The following FAM149B1 variants were observed in gnomAD, a reference collection of about 807,000 sequenced individuals.
The protein encoded by FAM149B1 is primary cilium assembly protein FAM149B1.
Under a neutral mutation model 75.3 loss-of-function variants are expected in FAM149B1, and 56 were observed. The observed-to-expected ratio is 0.74, with a 90% confidence interval of 0.60 to 0.93. FAM149B1 has a LOEUF of 0.93. Among genes scored for constraint, FAM149B1 ranks in the 40% least tolerant of loss-of-function variants. The probability of loss-of-function intolerance (pLI) is 0.00; values close to 1 mark genes in which losing one functional copy is unlikely to be tolerated. For missense variants in FAM149B1, 639 were observed against 708.4 expected (o/e 0.90, Z 1.11); for synonymous variants, 259 against 256.1 (o/e 1.01, Z -0.11).
chr10:73,192,140 T>A lies in FAM149B1; in HGVS notation c.283-416T>A, dbSNP rs978692950. The A allele has an allele frequency of 2.5e-5, 4 of 161,178 alleles. No individual in the cohort carries two copies. The Admixed American group carries it at 2.6e-4, about 11-fold the overall frequency. 10.0% of individuals were successfully genotyped at this position (161,178 alleles called of 1,614,324 possible). ...GTCTTGAACTCCTGGCCTCAAGTGA[T>A]CCACCCACCTTGGTCTCCCAAAGTG... On this transcript the variant is annotated intron_variant, in intron 3 of 13. Transcript: ENST00000242505.
At chr10:73,208,952 C>T (rs768589083) in intron 6 of FAM149B1, among the ~76,000 whole-genome samples, 166 bp downstream of exon 6, 1 of 152,128 alleles carries the variant, frequency 6.6e-6, no homozygotes, top group Non-Finnish European at 1.5e-5. Context: ...TTATTGCCTC[C>T]ATGTACTAGA....
intron 2 of FAM149B1, 93 bp from the exon 3 acceptor site, chr10:73,177,752 AC>A: frequency 9.4e-7 from 1 of 1,058,254 alleles, no homozygotes; most frequent in Non-Finnish European, 1.4e-6. Flanking sequence ...CATGTTAATC[AC>A]CTAGTAAGTT....
chr10:73,241,056 C>G lies in FAM149B1; in HGVS notation c.*37C>G, dbSNP rs571629113. The G allele has an allele frequency of 8.5e-7, 1 of 1,180,236 alleles. No homozygotes were observed. Among genetic ancestry groups the G allele is most frequent in the Non-Finnish European group, 1.2e-6 (1 of 813,082 alleles). 73.1% of individuals were successfully genotyped at this position (1,180,236 alleles called of 1,614,324 possible). A position where few individuals can be genotyped will look rare whatever the true frequency, so the allele number is the denominator to read the frequency against. On this transcript the variant is annotated 3_prime_UTR_variant, in exon 14 of 14. Coordinates refer to ENST00000242505, the MANE Select transcript of FAM149B1 (RefSeq NM_173348.2). ...AGAATCTATCAGGCTGCAGGAAACA[C>G]GAGATTTCATGAAGCAGTATTCAGT...
rs544434048 is a variant in FAM149B1 at position 73,239,441 on chromosome 10, C to CT, written c.1675+60dup. 6 of 1,342,308 alleles carry CT rather than the reference C, an allele frequency of 4.5e-6. No homozygotes were observed. The African/African-American group carries it at 5.8e-5, about 13-fold the overall frequency. 83.1% of individuals were successfully genotyped at this position (1,342,308 alleles called of 1,614,324 possible). Reference sequence around the variant, plus strand: ...CTGTGTGGTTGTGTTAAGACCCAGCCTTTGTCTTTTTTCCTACACCTATTT... The same window carrying CT: ...CTGTGTGGTTGTGTTAAGACCCAGCCTTTTGTCTTTTTTCCTACACCTATTT... On this transcript the variant is annotated intron_variant, in intron 13 of 13. Coordinates refer to ENST00000242505, the MANE Select transcript of FAM149B1 (RefSeq NM_173348.2).
chr10:73,225,819 C>CTTTCCTATG (rs1352066381), intron 7 of FAM149B1, among the ~76,000 whole-genome samples: 2 of 152,120 alleles, frequency 1.3e-5, no homozygotes, highest in Admixed American at 1.3e-4. Context: ...TTTATTGTAC[C>CTTTCCTATG]TTTCCTATGT....
intron 2 of FAM149B1, among the ~76,000 whole-genome samples, chr10:73,176,952 G>A (rs946828753): frequency 4.6e-5 from 7 of 151,636 alleles, no homozygotes; most frequent in African/African-American, 1.2e-4. Context: ...ACTTGAACCC[G>A]AGAGGAGGAG....
intron 3 of FAM149B1, among the ~76,000 whole-genome samples, chr10:73,185,690 A>G (rs895273152): frequency 5.9e-5 from 9 of 152,210 alleles, no homozygotes; most frequent in Admixed American, 3.3e-4. Context: ...ACACTTTCCA[A>G]TTCATTCTAT....
chr10:73,224,797 G>C (rs903674418), intron 7 of FAM149B1, among the ~76,000 whole-genome samples: 5 of 152,112 alleles, frequency 3.3e-5, no homozygotes, highest in African/African-American at 1.2e-4. Flanking sequence ...AAAACAGGCA[G>C]TAGTAACAGG....
In FAM149B1 at chr10:73,243,709, G is replaced by T; in HGVS notation, c.*2690G>T. The T allele has an allele frequency of 1.8e-6, 2 of 1,095,922 alleles. No homozygotes were observed. The highest frequency in any genetic ancestry group is 1.6e-5 in the South Asian group (1 of 63,714). 67.9% of individuals were successfully genotyped at this position (1,095,922 alleles called of 1,614,324 possible). A position where few individuals can be genotyped will look rare whatever the true frequency, so the allele number is the denominator to read the frequency against. ...TAAATACACTTAAAACCACCAAATT[G>T]TACACTTTAAAAGGACAAATAGAAG... On this transcript the variant is annotated 3_prime_UTR_variant, in exon 14 of 14. Transcript: ENST00000242505.
chr10:73,243,463 T>G lies in FAM149B1; in HGVS notation c.*2444T>G, dbSNP rs150122836. On this transcript the variant is annotated 3_prime_UTR_variant, in exon 14 of 14. Coordinates refer to ENST00000242505, the MANE Select transcript of FAM149B1 (RefSeq NM_173348.2). The stretch of plus-strand genomic sequence containing the variant: ...CTCCTTTGGAAGATTTGCAGTACTT[T>G]GCTTCCATCTGAGCCAGAAAATTGT... The G allele has an allele frequency of 2.2e-4, 359 of 1,614,126 alleles. 3 individuals carry two copies. In the African/African-American group the frequency reaches 4.2e-3, roughly 19 times the overall value.
chr10:73,232,642 T>G (rs143949483), intron 9 of FAM149B1, among the ~76,000 whole-genome samples: 42 of 152,354 alleles, frequency 2.8e-4, no homozygotes, highest in African/African-American at 9.1e-4. Context: ...CAGGCTTGCC[T>G]TCACTGGTGA....
At chr10:73,188,760 A>AGGAG (rs1178536096) in intron 3 of FAM149B1, among the ~76,000 whole-genome samples, 42 of 20,236 alleles carry the variant, frequency 2.1e-3, no homozygotes, top group African/African-American at 5.8e-3. Flanking sequence ...GAAGGAGGGA[A>AGGAG]GGAAGGAAGG....
chr10:73,230,145 C>A (rs920863487), intron 8 of FAM149B1, among the ~76,000 whole-genome samples: 2 of 152,122 alleles, frequency 1.3e-5, no homozygotes, highest in Admixed American at 1.3e-4. Flanking sequence ...TAATAAAGGT[C>A]CTCACTCCCT....
In FAM149B1 at chr10:73,244,408, G is replaced by A. The variant is rs902668887; in HGVS notation, c.*3389G>A. 1 of 152,752 alleles carries A rather than the reference G, an allele frequency of 6.5e-6. No homozygotes were observed. Among genetic ancestry groups the A allele is most frequent in the Non-Finnish European group, 1.5e-5 (1 of 68,880 alleles). 9.5% of individuals were successfully genotyped at this position (152,752 alleles called of 1,614,324 possible). On this transcript the variant is annotated 3_prime_UTR_variant, in exon 14 of 14. Coordinates refer to ENST00000242505, the MANE Select transcript of FAM149B1 (RefSeq NM_173348.2). ...GCTACTAGGGAGGCTGAGGTGGGAA[G>A]ATGGCTTCAGTCTGAGAGTTCAGGC... is the stretch of plus-strand genomic sequence containing the variant.
intron 5 of FAM149B1, among the ~76,000 whole-genome samples, 172 bp downstream of exon 5, chr10:73,193,765 T>C (rs1351285228): frequency 1.3e-5 from 2 of 152,232 alleles, no homozygotes; most frequent in Non-Finnish European, 2.9e-5. Context: ...TTTCATTATG[T>C]AATTTTGTTC....
chr10:73,188,581 G>A (rs2133327354), intron 3 of FAM149B1, among the ~76,000 whole-genome samples: 1 of 152,210 alleles, frequency 6.6e-6, no homozygotes, highest in South Asian at 2.1e-4. Flanking sequence ...AATTAGCCAG[G>A]CGTGGTGGCA....
At position 73,193,550 on chromosome 10, in the gene FAM149B1, G is replaced by A. The variant is rs61740304; in HGVS notation, c.499G>A (p.Ala167Thr). ...LYPRSPSAVS[A>T]SYETTLSQER... ...TCCTAGATCCCCTTCTGCTGTTTCC[G>A]CTTCATATGAAACAACCTTGTCTCA... The change falls in exon 5 of 14, where the codon GCT (alanine) becomes ACT (threonine). Residue 167 changes from alanine to threonine, a missense_variant. Physicochemically the swap from Ala to Thr is moderately conservative, Grantham distance 58 (BLOSUM62 0). Coordinates refer to ENST00000242505, the MANE Select transcript of FAM149B1 (RefSeq NM_173348.2). The A allele has an allele frequency of 2.5e-5, 39 of 1,550,290 alleles. No individual in the cohort carries two copies. The East Asian group carries it at 2.9e-4, about 12-fold the overall frequency.
rs2133365625 is a variant in FAM149B1 at position 73,208,777 on chromosome 10, A to C, written c.701A>C (p.His234Pro). Residue 234 changes from histidine to proline, a missense_variant, in exon 6 of 14, where the codon CAC (histidine) becomes CCC (proline). Coordinates refer to ENST00000242505, the MANE Select transcript of FAM149B1 (RefSeq NM_173348.2). ...ATTGAGGAATACCTAGCATTCGATCACATAGATATGTGAGTATTATGCCTT... is the reference window on the plus strand; with the variant it reads ...ATTGAGGAATACCTAGCATTCGATCCCATAGATATGTGAGTATTATGCCTT... ...GIIEEYLAFD[H>P]IDIEEGFHGK... The C allele has an allele frequency of 2.0e-6, 3 of 1,512,100 alleles. No individual in the cohort carries two copies. In the East Asian group the frequency reaches 7.5e-5, roughly 38 times the overall value. The allele number at this position is 1,512,100 out of a possible 1,614,324, so 93.7% of individuals were successfully genotyped here.
chr10:73,189,772 T>C (rs1047482001), intron 3 of FAM149B1, among the ~76,000 whole-genome samples: 1 of 152,228 alleles, frequency 6.6e-6, no homozygotes, highest in African/African-American at 2.4e-5. Context: ...GTTTTATATC[T>C]GGAAAGGAAT....
Sources: allele counts gnomAD v4.1 joint callset (sites outside exome capture counted in the v4.1 genomes callset), GRCh38; gene constraint gnomAD v4.1.1; transcripts MANE v1.5; gene names NCBI Gene and HGNC (gene_info 2026-07-23, HGNC 2026-07-21).